SLC27A2: variants seen among roughly 807,000 people sequenced by gnomAD.
SLC27A2 encodes the protein solute carrier family 27 member 2.
SLC27A2 carries 54 observed loss-of-function variants against 60.0 expected under a neutral mutation model. That is an observed-to-expected ratio of 0.90 (90% CI 0.72 to 1.13). The LOEUF (loss-of-function observed/expected upper bound fraction) is 1.13. Ranked by LOEUF, SLC27A2 falls within the 50% of genes most tolerant of loss-of-function variation. The pLI is 0.00. For missense variants in SLC27A2, 739 were observed against 777.6 expected, an observed-to-expected ratio of 0.95 and a Z score of 0.59; for synonymous variants, 297 against 297.6, an observed-to-expected ratio of 1.00 and a Z score of 0.02.
In SLC27A2 at chr15:50,236,065, A is replaced by G. The variant is rs1430252846; in HGVS notation, c.1832A>G (p.Asn611Ser). Residue 611 changes from asparagine to serine, a missense_variant, in exon 10 of 10, where the codon AAT (asparagine) becomes AGT (serine). Asn to Ser is a conservative substitution (Grantham distance 46). Transcript: ENST00000267842. ...MYVPMTEDIYNAISAKTLKL is the reference protein window; with the variant it reads ...MYVPMTEDIYSAISAKTLKL ...GTGCCTATGACTGAGGACATCTATA[A>G]TGCCATAAGTGCTAAAACCCTGAAA... 6.2e-7 allele frequency: 1 copy of G among 1,611,546 alleles called. No individual in the cohort carries two copies. The highest frequency in any genetic ancestry group is 1.1e-5 in the South Asian group (1 of 90,610).
chr15:50,233,766 G>T, intron 8 of SLC27A2, 102 bp from the exon 9 acceptor site: 3 of 1,052,142 alleles, frequency 2.9e-6, no homozygotes, highest in South Asian at 3.8e-5. Flanking sequence ...CTATCCAAAT[G>T]AAACCCATGC....
At chr15:50,222,498 T>G (rs1468239895) in intron 4 of SLC27A2, among the ~76,000 whole-genome samples, 1 of 152,220 alleles carries the variant, frequency 6.6e-6, no homozygotes, top group East Asian at 1.9e-4. Flanking sequence ...CTGCTCAGGG[T>G]CCCACTGGTA....
In SLC27A2 at chr15:50,223,166, A is replaced by C; in HGVS notation, c.1167+7A>C. The C allele has an allele frequency of 6.2e-7, 1 of 1,602,178 alleles. No individual in the cohort carries two copies. The highest frequency in any genetic ancestry group is 8.5e-7 in the Non-Finnish European group (1 of 1,172,242). On this transcript the variant is annotated splice_region_variant and intron_variant, in intron 5 of 9. Coordinates refer to ENST00000267842, the MANE Select transcript of SLC27A2 (RefSeq NM_003645.4). Reference sequence around the variant, plus strand: ...AGTAAACTACCTACAGAAAGTAAGTACATTGAAAAATGAGAGCATACGTAG... The same window carrying C: ...AGTAAACTACCTACAGAAAGTAAGTCCATTGAAAAATGAGAGCATACGTAG...
At chr15:50,233,519 G>C (rs761627404) in intron 8 of SLC27A2, among the ~76,000 whole-genome samples, 3 of 152,218 alleles carry the variant, frequency 2.0e-5, no homozygotes, top group African/African-American at 7.2e-5. Flanking sequence ...AGTATTTGCT[G>C]TCTGACCTTG....
At chr15:50,200,343 A>G (rs2045054261) in intron 2 of SLC27A2, among the ~76,000 whole-genome samples, 1 of 152,150 alleles carries the variant, frequency 6.6e-6, no homozygotes, top group Admixed American at 6.5e-5. Context: ...CAGGAGGATC[A>G]CTTGACCTGA....
rs981906143 is a variant in SLC27A2, at chr15:50,226,054, G to A, written c.1234G>A (p.Gly412Arg). ...AGATGAACCTGTCCGTGATGAAAATGGATATTGCGTCAGAGTTCCCAAAGG... is the reference window on the plus strand; with the variant it reads ...AGATGAACCTGTCCGTGATGAAAATAGATATTGCGTCAGAGTTCCCAAAGG... ...EKDEPVRDEN[G>R]YCVRVPKGEV... Residue 412 changes from glycine (G) to arginine (R), a missense_variant, in exon 6 of 10, where the codon GGA becomes AGA. Transcript: ENST00000267842. 1.9e-6 allele frequency: 3 copies of A among 1,610,350 alleles called. No homozygotes were observed. The East Asian group carries it at 6.7e-5, about 36-fold the overall frequency.
chr15:50,235,554 C>T (rs553221715), intron 9 of SLC27A2, among the ~76,000 whole-genome samples: 27 of 152,276 alleles, frequency 1.8e-4, no homozygotes, highest in African/African-American at 6.5e-4. Flanking sequence ...ATCCTGCAAA[C>T]AGAATGTATG....
chr15:50,196,716 A>C (rs1027565862), intron 1 of SLC27A2, among the ~76,000 whole-genome samples: 1 of 152,224 alleles, frequency 6.6e-6, no homozygotes, highest in Non-Finnish European at 1.5e-5. Context: ...ATTATGACCC[A>C]CAGGTTGGGA....
At chr15:50,207,704 C>T (rs763504582) in intron 4 of SLC27A2, among the ~76,000 whole-genome samples, 4 of 150,692 alleles carry the variant, frequency 2.7e-5, no homozygotes, top group Admixed American at 1.3e-4. Context: ...GCAGGAGAGT[C>T]GCTTGAAAGC....
chr15:50,182,947 C>CG, intron 1 of SLC27A2, 42 bp downstream of exon 1: 1 of 1,551,070 alleles, frequency 6.4e-7, no homozygotes, highest in Non-Finnish European at 8.7e-7. Context: ...CAGGGCTTCT[C>CG]GGCGCCTTGA....
chr15:50,186,770 C>CT, intron 1 of SLC27A2, among the ~76,000 whole-genome samples: 1 of 152,128 alleles, frequency 6.6e-6, no homozygotes, highest in Non-Finnish European at 1.5e-5. Context: ...AAACAAAGGC[C>CT]TAGAGGGATG....
chr15:50,203,146 C>G (rs1192530251), intron 3 of SLC27A2, among the ~76,000 whole-genome samples: 1 of 151,916 alleles, frequency 6.6e-6, no homozygotes, highest in Non-Finnish European at 1.5e-5. Context: ...TGTGATTGCA[C>G]CACTGCACTC....
At chr15:50,183,072 A>G (rs2044881361) in intron 1 of SLC27A2, among the ~76,000 whole-genome samples, 167 bp downstream of exon 1, 1 of 152,164 alleles carries the variant, frequency 6.6e-6, no homozygotes, top group Non-Finnish European at 1.5e-5. Context: ...ATCTTTTAGG[A>G]CCACCTGTTG....
chr15:50,219,902 C>A (rs1029384442), intron 4 of SLC27A2, among the ~76,000 whole-genome samples: 11 of 152,126 alleles, frequency 7.2e-5, no homozygotes, highest in South Asian at 2.1e-4. Flanking sequence ...AAAAAATAAG[C>A]TGGTGACCCT....
intron 3 of SLC27A2, among the ~76,000 whole-genome samples, chr15:50,203,234 G>A (rs1202174883): frequency 6.6e-6 from 1 of 152,026 alleles, no homozygotes; most frequent in Non-Finnish European, 1.5e-5. Flanking sequence ...TAGATTCTAT[G>A]TCATGTCATT....
intron 1 of SLC27A2, among the ~76,000 whole-genome samples, chr15:50,194,719 A>G (rs1165051975): frequency 6.6e-6 from 1 of 151,976 alleles, no homozygotes; most frequent in East Asian, 1.9e-4. Context: ...GGATGCTACC[A>G]CTCCCGTTTC....
Position 50,236,317 on chromosome 15 carries a change from C to T in SLC27A2, c.*221C>T. 2.5e-6 allele frequency: 1 copy of T among 401,916 alleles called. No individual in the cohort carries two copies. The highest frequency in any genetic ancestry group is 4.4e-6 in the Non-Finnish European group (1 of 228,736). The allele number at this position is 401,916 out of a possible 1,614,324, so 24.9% of individuals were successfully genotyped here. A position where few individuals can be genotyped will look rare whatever the true frequency, so the allele number is the denominator to read the frequency against. ...TGCACCTACTGTTTGTATTTGCAAA[C>T]TGAGCTTGTTGGAGGGAAGGCATTA... is the stretch of plus-strand genomic sequence containing the variant. On this transcript the variant is annotated 3_prime_UTR_variant, in exon 10 of 10. Transcript: ENST00000267842.
chr15:50,204,802 G>GTGTGTGTATATATATAATATATATGTA (rs1465997716), intron 3 of SLC27A2, among the ~76,000 whole-genome samples: 4 of 129,962 alleles, frequency 3.1e-5, no homozygotes, highest in African/African-American at 1.5e-4. Context: ...ATATATGTAT[G>GTGTGTGTATATATATAATATATATGTA]TGTGTGTGTA....
chr15:50,193,615 ACTT>A (rs2044991915), intron 1 of SLC27A2, among the ~76,000 whole-genome samples: 1 of 152,320 alleles, frequency 6.6e-6, no homozygotes, highest in East Asian at 1.9e-4. Context: ...AGCAAGGCAT[ACTT>A]GTATCTCAGA....
Sources: gnomAD v4.1 joint callset for allele counts (sites outside exome capture counted in the v4.1 genomes callset) on GRCh38, gnomAD v4.1.1 for gene constraint, MANE v1.5 for transcripts, NCBI Gene and HGNC (gene_info 2026-07-23, HGNC 2026-07-21) for gene names.